The following ERC1 variants were observed in gnomAD, a reference collection of about 807,000 sequenced individuals.
ERC1 encodes ELKS/RAB6-interacting/CAST family member 1, also known as RAB6 interacting protein 2.
ERC1 carries 56 observed loss-of-function variants against 132.0 expected under a neutral mutation model. The observed-to-expected ratio is 0.42, with a 90% CI of 0.34 to 0.53. The LOEUF (loss-of-function observed/expected upper bound fraction) is 0.53, where lower values mean the gene tolerates loss of function less well. Ranked by LOEUF, ERC1 falls within the 20% of genes least tolerant of loss-of-function variation. The pLI is 0.03. For synonymous variants in ERC1, 478 were observed against 476.1 expected (o/e 1.00, Z -0.05); for missense variants, 1,202 against 1,349.9 (o/e 0.89, Z 1.72).
rs749536402 is a variant in ERC1 at position 1,189,916 on chromosome 12, C to T, written c.2215C>T (p.His739Tyr). 1.1e-5 allele frequency: 18 copies of T among 1,613,850 alleles called. No homozygotes were observed. The South Asian group carries it at 1.4e-4, about 13-fold the overall frequency. Residue 739 changes from histidine to tyrosine, a missense_variant, in exon 12 of 19, where the codon CAC becomes TAC. By Grantham distance (83) the His-to-Tyr change is moderately conservative. Transcript: ENST00000360905. ...TCCAGAGATGAGTGACCGAATACAG[C>T]ACTTGGAGAGAGAGATCACCAGGTA... ...ASPEMSDRIQ[H>Y]LEREITRYKD...
At chr12:1,396,153 G>A (rs770776556) in intron 16 of ERC1, among the ~76,000 whole-genome samples, 11 of 152,198 alleles carry the variant, frequency 7.2e-5, no homozygotes, top group Non-Finnish European at 1.2e-4. Context: ...TAGTTGAGAT[G>A]TCTATTTTCT....
intron 15 of ERC1, among the ~76,000 whole-genome samples, chr12:1,292,140 C>T (rs1034324052): frequency 6.6e-6 from 1 of 152,184 alleles, no homozygotes; most frequent in African/African-American, 2.4e-5. Flanking sequence ...TCAAACTCCT[C>T]CTGCAGGCCC....
chr12:1,093,940 TAA>T (rs1339551324), intron 3 of ERC1, among the ~76,000 whole-genome samples: 3 of 116,328 alleles, frequency 2.6e-5, no homozygotes, highest in South Asian at 2.8e-4. Flanking sequence ...TTTTTCTATA[TAA>T]ATATATATAT....
chr12:1,001,720 C>G (rs1014859231), intron 1 of ERC1, among the ~76,000 whole-genome samples: 1 of 151,928 alleles, frequency 6.6e-6, no homozygotes, highest in Non-Finnish European at 1.5e-5. Flanking sequence ...TGTAGCTGTT[C>G]GTTCATTTTC....
At chr12:1,043,874 T>G (rs1274774354) in intron 2 of ERC1, among the ~76,000 whole-genome samples, 1 of 152,246 alleles carries the variant, frequency 6.6e-6, no homozygotes, top group Non-Finnish European at 1.5e-5. Context: ...AGCTTCTGTT[T>G]GCATAGTCTT....
At chr12:1,325,814 T>C (rs1384703588) in intron 15 of ERC1, among the ~76,000 whole-genome samples, 1 of 152,162 alleles carries the variant, frequency 6.6e-6, no homozygotes, top group East Asian at 1.9e-4. Context: ...TTTTATAATA[T>C]AAGATATGCA....
intron 13 of ERC1, among the ~76,000 whole-genome samples, chr12:1,260,973 C>T (rs2077106065): frequency 6.6e-6 from 1 of 152,194 alleles, no homozygotes; most frequent in Non-Finnish European, 1.5e-5. Flanking sequence ...GCTGTGAACA[C>T]TGAGCTCATG....
chr12:1,456,458 T>A (rs2093537147), intron 18 of ERC1, among the ~76,000 whole-genome samples: 1 of 152,068 alleles, frequency 6.6e-6, no homozygotes, highest in Admixed American at 6.6e-5. Context: ...TACCCCTAGC[T>A]GCAATCTTGT....
rs188867886 is a variant in ERC1 at position 1,175,555 on chromosome 12, C to T, written c.1738-4985C>T. On this transcript the variant is annotated intron_variant, in intron 8 of 18. Transcript: ENST00000360905. The stretch of plus-strand genomic sequence containing the variant: ...GTTCAATTTTTTTTTTTTTTTGAGA[C>T]GGAGTTTTGCTATTGTTGCCCGGGC... Among the ~76,000 whole-genome samples, 767 of 142,184 alleles carry T rather than the reference C, an allele frequency of 5.4e-3. 11 individuals are homozygous for T. Among genetic ancestry groups the T allele is most frequent in the African/African-American group, 0.019 (722 of 38,788 alleles). The allele number at this position is 142,184 out of a possible 152,430, so 93.3% of individuals were successfully genotyped here. A position where few individuals can be genotyped will look rare whatever the true frequency, so the allele number is the denominator to read the frequency against.
chr12:1,450,144 G>T (rs1350234100), intron 18 of ERC1, among the ~76,000 whole-genome samples: 1 of 152,038 alleles, frequency 6.6e-6, no homozygotes, highest in Non-Finnish European at 1.5e-5. Flanking sequence ...CTTTAAATCA[G>T]TTATCTTTTT....
intron 14 of ERC1, among the ~76,000 whole-genome samples, chr12:1,271,897 A>T (rs2077882250): frequency 6.6e-6 from 1 of 152,222 alleles, no homozygotes; most frequent in Non-Finnish European, 1.5e-5. Flanking sequence ...GTAATCTTAC[A>T]AAGCTGAAAG....
intron 12 of ERC1, among the ~76,000 whole-genome samples, chr12:1,229,752 C>A (rs1368804113): frequency 6.6e-6 from 1 of 152,028 alleles, no homozygotes; most frequent in African/African-American, 2.4e-5. Context: ...TGACAAACAA[C>A]TATTATGTTG....
At chr12:1,092,827 G>T (rs1943421885) in intron 3 of ERC1, among the ~76,000 whole-genome samples, 1 of 152,150 alleles carries the variant, frequency 6.6e-6, no homozygotes, top group East Asian at 1.9e-4. Flanking sequence ...TGAGTGTGGT[G>T]GTGCACGCCT....
chr12:1,039,696 T>A (rs983535365), intron 2 of ERC1, among the ~76,000 whole-genome samples: 2 of 152,236 alleles, frequency 1.3e-5, no homozygotes, highest in African/African-American at 4.8e-5. Flanking sequence ...TGGTTTTAAT[T>A]ATTTGAATAA....
intron 2 of ERC1, among the ~76,000 whole-genome samples, chr12:1,029,466 G>A (rs1259208550): frequency 2.6e-5 from 4 of 152,126 alleles, no homozygotes; most frequent in African/African-American, 9.7e-5. Flanking sequence ...TTTTCGTTCT[G>A]TAATTCTTTA....
intron 7 of ERC1, among the ~76,000 whole-genome samples, chr12:1,139,409 G>A (rs990596318): frequency 1.3e-5 from 2 of 152,088 alleles, no homozygotes; most frequent in Non-Finnish European, 2.9e-5. Flanking sequence ...AATGATGCTG[G>A]CATATTGTTA....
At chr12:1,425,169 G>A (rs1274844263) in intron 17 of ERC1, among the ~76,000 whole-genome samples, 2 of 152,056 alleles carry the variant, frequency 1.3e-5, no homozygotes, top group East Asian at 1.9e-4. Flanking sequence ...TTGTGTTTCT[G>A]TTGTGTAAAC....
intron 1 of ERC1, among the ~76,000 whole-genome samples, chr12:1,025,252 T>C (rs921468562): frequency 6.6e-6 from 1 of 152,234 alleles, no homozygotes; most frequent in Non-Finnish European, 1.5e-5. Flanking sequence ...GCTTTCTAAG[T>C]TGAGCTAAAG....
chr12:1,126,800 C>T (rs1179295648), intron 7 of ERC1, among the ~76,000 whole-genome samples: 1 of 151,840 alleles, frequency 6.6e-6, no homozygotes, highest in East Asian at 1.9e-4. Flanking sequence ...CCATTCTGGC[C>T]AACATGGTGA....
Sources: gnomAD v4.1 joint callset for allele counts (sites outside exome capture counted in the v4.1 genomes callset) on GRCh38, gnomAD v4.1.1 for gene constraint, MANE v1.5 for transcripts, NCBI Gene and HGNC (gene_info 2026-07-23, HGNC 2026-07-21) for gene names.